The following ROBO2 variants were observed in gnomAD, a reference collection of about 807,000 sequenced individuals.
The protein encoded by ROBO2 is roundabout homolog 2.
In ROBO2, 53 loss-of-function variants were observed where a neutral mutation model predicts 160.8. The ratio of observed to expected loss-of-function variants is 0.33; its 90% confidence interval spans 0.26 to 0.41. The LOEUF (loss-of-function observed/expected upper bound fraction) is 0.41, where lower values mean the gene tolerates loss of function less well. Ranked by LOEUF, ROBO2 falls within the 10% of genes least tolerant of loss-of-function variation. ROBO2 has a pLI of 1.00. For synonymous variants in ROBO2, 664 were observed against 611.7 expected (o/e 1.09, Z -1.26); for missense variants, 1,577 against 1,722.4 (o/e 0.92, Z 1.49).
chr3:76,018,298 C>T (rs2066463239), intron 2 of ROBO2, among the ~76,000 whole-genome samples: 1 of 151,720 alleles, frequency 6.6e-6, no homozygotes, highest in South Asian at 2.1e-4. Context: ...ATATAACAAT[C>T]ATTGTTGATA....
intron 2 of ROBO2, among the ~76,000 whole-genome samples, chr3:76,191,535 T>C (rs1702004508): frequency 6.6e-6 from 1 of 152,112 alleles, no homozygotes; most frequent in Admixed American, 6.6e-5. Context: ...TGTTTGATTA[T>C]ATAATATTTA....
At chr3:77,290,104 G>C (rs62249750) in intron 2 of ROBO2, among the ~76,000 whole-genome samples, 37,752 of 150,540 alleles carry the variant, frequency 0.25, 438 homozygotes, top group Middle Eastern at 0.38. Flanking sequence ...CGGATAAGCT[G>C]AGGCTAGATC....
chr3:77,305,439 A>G (rs778840051), intron 2 of ROBO2, among the ~76,000 whole-genome samples: 1 of 152,202 alleles, frequency 6.6e-6, no homozygotes, highest in East Asian at 1.9e-4. Context: ...ACAGCAATAC[A>G]TCAGCAATCT....
intron 2 of ROBO2, among the ~76,000 whole-genome samples, chr3:76,908,631 A>G (rs924579515): frequency 6.6e-6 from 1 of 152,214 alleles, no homozygotes; most frequent in Non-Finnish European, 1.5e-5. Flanking sequence ...ACTGCTACTC[A>G]GGAGGCACAG....
intron 2 of ROBO2, among the ~76,000 whole-genome samples, chr3:76,992,325 CTATATATATATATATATATATATATA>C (rs10530833): frequency 5.3e-4 from 25 of 46,900 alleles, no homozygotes; most frequent in Admixed American, 9.3e-4. Flanking sequence ...CCATGTATTA[CTATATATATATATATATATATATATA>C]TATATATATA....
intron 2 of ROBO2, among the ~76,000 whole-genome samples, chr3:76,137,396 G>A (rs930619591): frequency 4.6e-5 from 7 of 151,942 alleles, no homozygotes; most frequent in Non-Finnish European, 5.9e-5. Context: ...TGTTAACATT[G>A]TTCTCATACA....
chr3:76,406,523 C>T (rs1333237783), intron 2 of ROBO2, among the ~76,000 whole-genome samples: 1 of 151,484 alleles, frequency 6.6e-6, no homozygotes, highest in Non-Finnish European at 1.5e-5. Flanking sequence ...AGGAATAGGA[C>T]AAGAGGGAAG....
intron 1 of ROBO2, chr3:75,937,337 A>C (rs1947828199): frequency 2.6e-6 from 1 of 383,756 alleles, no homozygotes. Context: ...TCCTAAAGGG[A>C]AGCATGATTT....
chr3:77,054,270 T>C (rs2065501255), intron 1 of ROBO2, among the ~76,000 whole-genome samples: 1 of 152,214 alleles, frequency 6.6e-6, no homozygotes, highest in Non-Finnish European at 1.5e-5. Context: ...AGCCCATGTT[T>C]GTGTTTTAGT....
At chr3:76,802,828 A>G (rs1165627626) in intron 2 of ROBO2, among the ~76,000 whole-genome samples, 2 of 152,168 alleles carry the variant, frequency 1.3e-5, no homozygotes, top group African/African-American at 4.8e-5. Context: ...TAATGCAGAC[A>G]CTGTTTACCT....
chr3:76,273,006 A>AAAAATATATTATATATAATATATATTTAT (rs1410069312), intron 2 of ROBO2, among the ~76,000 whole-genome samples: 50 of 93,234 alleles, frequency 5.4e-4, no homozygotes, highest in African/African-American at 2.3e-3. Flanking sequence ...ATTTATATAT[A>AAAAATATATTATATATAATATATATTTAT]AAAATATATT....
chr3:76,319,343 G>T (rs1447027840), intron 2 of ROBO2, among the ~76,000 whole-genome samples: 1 of 152,104 alleles, frequency 6.6e-6, no homozygotes, highest in Non-Finnish European at 1.5e-5. Flanking sequence ...CGTATATTAA[G>T]TAAGTGTTCA....
chr3:77,055,430 A>G (rs1239092626), intron 1 of ROBO2, among the ~76,000 whole-genome samples: 2 of 152,124 alleles, frequency 1.3e-5, no homozygotes, highest in East Asian at 1.9e-4. Flanking sequence ...AATGATGAGA[A>G]CTATACAAAA....
chr3:76,339,053 A>G (rs1490619289), intron 2 of ROBO2, among the ~76,000 whole-genome samples: 1 of 152,152 alleles, frequency 6.6e-6, no homozygotes, highest in Non-Finnish European at 1.5e-5. Context: ...ACTACTTGAT[A>G]TTTCTTAGTC....
intron 2 of ROBO2, among the ~76,000 whole-genome samples, chr3:76,513,539 G>A (rs1487980483): frequency 6.6e-6 from 1 of 151,968 alleles, no homozygotes; most frequent in Non-Finnish European, 1.5e-5. Flanking sequence ...CAAAGTGCTG[G>A]GATTGCAGGT....
intron 2 of ROBO2, among the ~76,000 whole-genome samples, chr3:76,349,573 G>C (rs764664641): frequency 2.0e-5 from 3 of 152,070 alleles, no homozygotes; most frequent in Admixed American, 6.6e-5. Context: ...TTATTTTTGT[G>C]TGTGCTTAAG....
intron 2 of ROBO2, among the ~76,000 whole-genome samples, chr3:77,326,863 T>C (rs1294108712): frequency 6.6e-6 from 1 of 152,238 alleles, no homozygotes; most frequent in East Asian, 1.9e-4. Context: ...CTTTCATTTG[T>C]TGTTTTTCTT....
chr3:76,549,771 G>A (rs958121001), intron 2 of ROBO2, among the ~76,000 whole-genome samples: 1 of 152,134 alleles, frequency 6.6e-6, no homozygotes, highest in Non-Finnish European at 1.5e-5. Context: ...GTTTGATTGG[G>A]ATTTGTCACC....
chr3:77,302,027 C>T (rs1169793095), intron 2 of ROBO2, among the ~76,000 whole-genome samples: 1 of 152,080 alleles, frequency 6.6e-6, no homozygotes, highest in Non-Finnish European at 1.5e-5. Flanking sequence ...CTCAGCCTCC[C>T]AAGTAGCTGG....
Sources: allele counts gnomAD v4.1 joint callset (sites outside exome capture counted in the v4.1 genomes callset), GRCh38; gene constraint gnomAD v4.1.1; transcripts MANE v1.5; gene names NCBI Gene and HGNC (gene_info 2026-07-23, HGNC 2026-07-21).